The following NRG3 variants were observed in gnomAD, a reference collection of about 807,000 sequenced individuals.
NRG3 encodes neuregulin 3, also known as pro-neuregulin-3, membrane-bound isoform.
NRG3 carries 31 observed loss-of-function variants against 66.9 expected under a neutral mutation model. The ratio of observed to expected loss-of-function variants is 0.46; its 90% CI spans 0.35 to 0.63. The LOEUF (loss-of-function observed/expected upper bound fraction) is 0.63. NRG3 is among the 20% of genes least tolerant of loss of function. NRG3 has a pLI of 0.00. For synonymous variants in NRG3, 393 were observed against 359.4 expected, an observed-to-expected ratio of 1.09 and a Z score of -1.06; for missense variants, 910 against 878.9, an observed-to-expected ratio of 1.04 and a Z score of -0.45.
At chr10:82,000,438 T>C (rs1315742712) in intron 1 of NRG3, among the ~76,000 whole-genome samples, 1 of 152,028 alleles carries the variant, frequency 6.6e-6, no homozygotes, top group Non-Finnish European at 1.5e-5. Flanking sequence ...GTTTGTAGCG[T>C]AGATTAATTT....
At chr10:82,858,599 C>T (rs1400376497) in intron 3 of NRG3, among the ~76,000 whole-genome samples, 1 of 152,220 alleles carries the variant, frequency 6.6e-6, no homozygotes, top group Non-Finnish European at 1.5e-5. Context: ...CAATGGACTA[C>T]CTCTACCTGG....
chr10:82,362,547 G>GTTTTTTTTTTT (rs1564840163), intron 2 of NRG3, among the ~76,000 whole-genome samples: 2 of 47,236 alleles, frequency 4.2e-5, no homozygotes, highest in Admixed American at 2.5e-4. Flanking sequence ...ATAATTTCTG[G>GTTTTTTTTTTT]GTTTTTTTTT....
chr10:82,058,870 C>T (rs958510223), intron 1 of NRG3, among the ~76,000 whole-genome samples: 3 of 152,124 alleles, frequency 2.0e-5, no homozygotes, highest in East Asian at 1.9e-4. Flanking sequence ...GCCATGGGAA[C>T]GTATATAGGA....
chr10:82,501,445 T>A (rs185290773), intron 2 of NRG3, among the ~76,000 whole-genome samples: 21 of 152,304 alleles, frequency 1.4e-4, no homozygotes, highest in Admixed American at 1.3e-3. Flanking sequence ...CAACATACTT[T>A]CAAGGTTCCG....
intron 1 of NRG3, among the ~76,000 whole-genome samples, chr10:81,943,998 G>A (rs1279068190): frequency 6.6e-6 from 1 of 152,154 alleles, no homozygotes; most frequent in East Asian, 1.9e-4. Flanking sequence ...GTGCTGAGAT[G>A]GTTATGCTCC....
chr10:82,302,806 C>G (rs565848118), intron 1 of NRG3, among the ~76,000 whole-genome samples: 303 of 152,274 alleles, frequency 2.0e-3, no homozygotes, highest in African/African-American at 7.1e-3. Flanking sequence ...TGCATATACA[C>G]TTAATGTCCT....
At chr10:82,101,209 C>G (rs1447354344) in intron 1 of NRG3, among the ~76,000 whole-genome samples, 1 of 151,696 alleles carries the variant, frequency 6.6e-6, no homozygotes, top group Non-Finnish European at 1.5e-5. Flanking sequence ...TGTGATAACT[C>G]TCTTTGTTTT....
intron 2 of NRG3, among the ~76,000 whole-genome samples, chr10:82,673,006 C>T (rs1196138133): frequency 6.6e-6 from 1 of 152,252 alleles, no homozygotes; most frequent in Non-Finnish European, 1.5e-5. Context: ...CTGCCTCAGC[C>T]TCCCAAAGTG....
At chr10:82,399,794 T>C (rs1229972016) in intron 2 of NRG3, among the ~76,000 whole-genome samples, 1 of 152,186 alleles carries the variant, frequency 6.6e-6, no homozygotes, top group Non-Finnish European at 1.5e-5. Flanking sequence ...AGTGGAGATT[T>C]ATATGAGCCA....
intron 1 of NRG3, among the ~76,000 whole-genome samples, chr10:82,316,008 G>A (rs113440592): frequency 1.3e-5 from 2 of 151,928 alleles, no homozygotes; most frequent in Non-Finnish European, 2.9e-5. Context: ...GAGATTTTTG[G>A]CCTAGCATAA....
chr10:82,176,387 T>G (rs2073032670), intron 1 of NRG3, among the ~76,000 whole-genome samples: 1 of 152,160 alleles, frequency 6.6e-6, no homozygotes, highest in African/African-American at 2.4e-5. Context: ...CTGAAGTGAT[T>G]GGCACATCAC....
At chr10:82,823,987 C>A (rs912156069) in intron 3 of NRG3, among the ~76,000 whole-genome samples, 21 of 152,068 alleles carry the variant, frequency 1.4e-4, no homozygotes, top group African/African-American at 4.8e-4. Flanking sequence ...AAAACAACAA[C>A]AAAACAACAG....
At chr10:81,877,650 G>T in intron 1 of NRG3, 1 of 1,226,560 alleles carries the variant, frequency 8.2e-7, no homozygotes, top group Non-Finnish European at 1.0e-6. Flanking sequence ...AACCTACTTT[G>T]CTTTGGAAAA....
intron 2 of NRG3, among the ~76,000 whole-genome samples, chr10:82,708,580 T>C (rs903152849): frequency 6.6e-6 from 1 of 152,186 alleles, no homozygotes; most frequent in African/African-American, 2.4e-5. Context: ...TTAAATTGTA[T>C]CCAGTTATGA....
intron 1 of NRG3, among the ~76,000 whole-genome samples, chr10:82,199,083 T>G (rs544195623): frequency 6.8e-6 from 1 of 147,472 alleles, no homozygotes; most frequent in African/African-American, 2.6e-5. Flanking sequence ...GCAGGAGAAT[T>G]GTTGGAACCT....
intron 2 of NRG3, among the ~76,000 whole-genome samples, chr10:82,483,100 A>G (rs1842416689): frequency 1.3e-5 from 2 of 152,134 alleles, no homozygotes; most frequent in Admixed American, 6.5e-5. Context: ...GCCCAAACAG[A>G]TGAAAAAAAG....
intron 4 of NRG3, among the ~76,000 whole-genome samples, chr10:82,895,704 A>G (rs944290932): frequency 6.6e-6 from 1 of 151,982 alleles, no homozygotes; most frequent in Non-Finnish European, 1.5e-5. Flanking sequence ...GTTAGCCAGG[A>G]TGGTCTCGAT....
At chr10:82,021,354 T>A (rs865852546) in intron 1 of NRG3, among the ~76,000 whole-genome samples, 14 of 152,100 alleles carry the variant, frequency 9.2e-5, no homozygotes, top group Non-Finnish European at 2.9e-5. Context: ...AAGTTAGTTT[T>A]CAGACAACAT....
chr10:82,540,355 CT>C (rs1208689248), intron 2 of NRG3, among the ~76,000 whole-genome samples: 2 of 151,990 alleles, frequency 1.3e-5, no homozygotes, highest in Admixed American at 6.6e-5. Context: ...TCTTCTTTCT[CT>C]TTTTTTCCCT....
Sources: gnomAD v4.1 joint callset for allele counts (sites outside exome capture counted in the v4.1 genomes callset) on GRCh38, gnomAD v4.1.1 for gene constraint, MANE v1.5 for transcripts, NCBI Gene and HGNC (gene_info 2026-07-23, HGNC 2026-07-21) for gene names.